ELOVL2: variants seen among roughly 807,000 people sequenced by gnomAD.
The protein encoded by ELOVL2 is very long chain fatty acid elongase 2.
ELOVL2 carries 38 observed loss-of-function variants against 37.7 expected under a neutral mutation model. The ratio of observed to expected loss-of-function variants is 1.01; its 90% CI spans 0.78 to 1.32. The LOEUF (loss-of-function observed/expected upper bound fraction) is 1.32. ELOVL2 is among the 40% of genes most tolerant of loss of function. The pLI is 0.00. For missense variants in ELOVL2, 352 were observed against 363.6 expected, an observed-to-expected ratio of 0.97 and a Z score of 0.26; for synonymous variants, 115 against 122.3, an observed-to-expected ratio of 0.94 and a Z score of 0.40.
At position 10,995,091 on chromosome 6, in the gene ELOVL2, G is replaced by T; in HGVS notation, c.421C>A (p.Gln141Lys). 1 of 1,613,078 alleles carries T rather than the reference G, an allele frequency of 6.2e-7. No homozygotes were observed. The stretch of plus-strand genomic sequence containing the variant: ...TGATATACATGAAGAAAAGTAATCT[G>T]ACTCGTTTTTTTCCGCAAAACGAAG... ...IFFVLRKKTS[Q>K]ITFLHVYHHA... is the part of the protein sequence containing the mutation. Residue 141 changes from glutamine to lysine, a missense_variant, in exon 5 of 8, where the codon CAG becomes AAG. Physicochemically the swap from Gln to Lys is moderately conservative, Grantham distance 53. Transcript: ENST00000354666.
At chr6:10,993,016 G>A (rs1456490261) in intron 5 of ELOVL2, among the ~76,000 whole-genome samples, 1 of 152,036 alleles carries the variant, frequency 6.6e-6, no homozygotes, top group Non-Finnish European at 1.5e-5. Flanking sequence ...AACACAGAGA[G>A]ACCTTGTGTC....
intron 5 of ELOVL2, among the ~76,000 whole-genome samples, chr6:10,991,362 T>G (rs1424087865): frequency 1.3e-5 from 2 of 152,214 alleles, no homozygotes; most frequent in East Asian, 1.9e-4. Context: ...CTGCGAGCTA[T>G]CCTGTGGTGG....
intron 2 of ELOVL2, among the ~76,000 whole-genome samples, chr6:11,009,301 C>T (rs1782530899): frequency 6.6e-6 from 1 of 152,186 alleles, no homozygotes; most frequent in Non-Finnish European, 1.5e-5. Flanking sequence ...TTTTCCTGTA[C>T]ATATACACCT....
intron 3 of ELOVL2, 119 bp downstream of exon 3, chr6:11,005,253 G>A (rs1320174149): frequency 1.1e-5 from 9 of 810,588 alleles, no homozygotes; most frequent in East Asian, 5.3e-5. Flanking sequence ...ATCAAATGCT[G>A]GAATAAGTTT....
At chr6:11,029,075 A>G in intron 1 of ELOVL2, among the ~76,000 whole-genome samples, 1 of 138,442 alleles carries the variant, frequency 7.2e-6, no homozygotes, top group East Asian at 2.1e-4. Flanking sequence ...AAAAAAAAAA[A>G]AAAAAAGCTG....
In ELOVL2 at chr6:11,030,713, C is replaced by T. The variant is rs189591459; in HGVS notation, c.3+13515G>A. 1.1e-4 allele frequency among the ~76,000 whole-genome samples: 16 copies of T among 152,202 alleles called. 1 individual carries two copies. Among genetic ancestry groups the T allele is most frequent in the South Asian group, 8.3e-4 (4 of 4,806 alleles). Reference sequence around the variant, plus strand: ...TTCACTGTGTTAGCCAGAATGGTCTCGATCTCCTGACCTCGTGATCTGCCC... The same window carrying T: ...TTCACTGTGTTAGCCAGAATGGTCTTGATCTCCTGACCTCGTGATCTGCCC... On this transcript the variant is annotated intron_variant, in intron 1 of 7. Coordinates refer to ENST00000354666, the MANE Select transcript of ELOVL2 (RefSeq NM_017770.4).
chr6:10,997,954 A>G (rs1373708473), intron 4 of ELOVL2, among the ~76,000 whole-genome samples: 2 of 151,720 alleles, frequency 1.3e-5, no homozygotes, highest in African/African-American at 2.4e-5. Context: ...GTCATCCCCA[A>G]TGTCGGAGGT....
intron 3 of ELOVL2, among the ~76,000 whole-genome samples, chr6:11,001,157 T>C (rs1236942499): frequency 6.6e-6 from 1 of 152,156 alleles, no homozygotes; most frequent in Non-Finnish European, 1.5e-5. Context: ...TGGATGTTAA[T>C]TAATTGTTAG....
At chr6:11,029,220 T>G (rs1388609599) in intron 1 of ELOVL2, among the ~76,000 whole-genome samples, 33 of 49,342 alleles carry the variant, frequency 6.7e-4, no homozygotes, top group Admixed American at 6.1e-4. Flanking sequence ...CAGAGGGAGA[T>G]CTCAAAAAAA....
At chr6:10,994,708 C>T (rs1782232510) in intron 5 of ELOVL2, among the ~76,000 whole-genome samples, 2 of 152,280 alleles carry the variant, frequency 1.3e-5, no homozygotes, top group Admixed American at 6.5e-5. Context: ...GTCAAAACAG[C>T]GCCCGGGATT....
chr6:10,995,176 T>C lies in ELOVL2; in HGVS notation c.336A>G (p.Val112=). The C allele has an allele frequency of 1.2e-6, 2 of 1,601,104 alleles. No individual in the cohort carries two copies. The highest frequency in any genetic ancestry group is 1.7e-6 in the Non-Finnish European group (2 of 1,173,450). The change falls in exon 5 of 8, where the codon GTA becomes GTG. Residue 112 remains valine (V), a splice_region_variant and synonymous_variant. Coordinates refer to ENST00000354666, the MANE Select transcript of ELOVL2 (RefSeq NM_017770.4). ...LTSAGEADIR[V]AKVLWWYYFS... ...AATAGTACCACCAAAGCACCTTGGC[T>C]ACCTATAGAAATTTGTAAAGGGGAG...
intron 5 of ELOVL2, 111 bp from the exon 6 acceptor site, chr6:10,990,553 G>A: frequency 7.8e-6 from 8 of 1,021,192 alleles, no homozygotes; most frequent in East Asian, 2.9e-5. Context: ...TAGCACATAT[G>A]ACATGATCAT....
intron 5 of ELOVL2, among the ~76,000 whole-genome samples, chr6:10,994,188 C>T (rs565712240): frequency 1.3e-5 from 2 of 151,074 alleles, no homozygotes; most frequent in African/African-American, 4.9e-5. Flanking sequence ...GAAGAAGGGC[C>T]GGGTGCGGTG....
chr6:11,010,115 C>G (rs1472417981), intron 2 of ELOVL2, among the ~76,000 whole-genome samples: 3 of 151,386 alleles, frequency 2.0e-5, no homozygotes, highest in Non-Finnish European at 4.4e-5. Context: ...ACTCTGCCTC[C>G]TGGGTTCAAG....
chr6:10,983,854 T>A lies in ELOVL2; in HGVS notation c.818A>T (p.Lys273Ile), dbSNP rs1408417405. 1 of 1,613,956 alleles carries A rather than the reference T, an allele frequency of 6.2e-7. No individual in the cohort carries two copies. The highest frequency in any genetic ancestry group is 8.5e-7 in the Non-Finnish European group (1 of 1,179,970). ...TTTGGAAAAACCATTCTTCACTTCT[T>A]TCCCTGCAGGTGGCTCTTGCATATC... The part of the protein sequence containing the change: ...KKDMQEPPAG[K>I]EVKNGFSKAY... The change falls in exon 8 of 8, where the codon AAA becomes ATA. Residue 273 changes from lysine to isoleucine, a missense_variant. Coordinates refer to ENST00000354666, the MANE Select transcript of ELOVL2 (RefSeq NM_017770.4).
At chr6:11,015,346 T>C (rs1394085278) in intron 1 of ELOVL2, among the ~76,000 whole-genome samples, 1 of 152,066 alleles carries the variant, frequency 6.6e-6, no homozygotes, top group Non-Finnish European at 1.5e-5. Context: ...AATGACTCCA[T>C]ATGGAAAGTA....
At chr6:11,007,009 A>G (rs886271784) in intron 2 of ELOVL2, among the ~76,000 whole-genome samples, 14 of 152,348 alleles carry the variant, frequency 9.2e-5, no homozygotes, top group Non-Finnish European at 1.8e-4. Flanking sequence ...TACTGTTACT[A>G]TAACATTTAC....
chr6:11,033,413 A>T (rs973723180), intron 1 of ELOVL2, among the ~76,000 whole-genome samples: 4 of 152,222 alleles, frequency 2.6e-5, no homozygotes, highest in Non-Finnish European at 4.4e-5. Flanking sequence ...AGGATGAAAG[A>T]TATATTTTCT....
At chr6:10,991,644 G>A (rs1019311628) in intron 5 of ELOVL2, among the ~76,000 whole-genome samples, 1 of 152,096 alleles carries the variant, frequency 6.6e-6, no homozygotes, top group African/African-American at 2.4e-5. Context: ...AGAAACAAAA[G>A]GTACAATAGC....
Sources: allele counts gnomAD v4.1 joint callset (sites outside exome capture counted in the v4.1 genomes callset), GRCh38; gene constraint gnomAD v4.1.1; transcripts MANE v1.5; gene names NCBI Gene and HGNC (gene_info 2026-07-23, HGNC 2026-07-21).